Variants in ADK observed in about 807,000 individuals in gnomAD.
The protein encoded by ADK is N6,N6-dimethyladenosine kinase.
Under a neutral mutation model 44.7 loss-of-function variants are expected in ADK, and 24 were observed. The ratio of observed to expected loss-of-function variants is 0.54; its 90% CI spans 0.39 to 0.76. The LOEUF (loss-of-function observed/expected upper bound fraction) is 0.76, where lower values mean the gene tolerates loss of function less well. ADK is among the 30% of genes least tolerant of loss of function. The probability of loss-of-function intolerance (pLI) is 0.00; values close to 1 mark genes in which losing one functional copy is unlikely to be tolerated. For synonymous variants in ADK, 128 were observed against 142.6 expected, an observed-to-expected ratio of 0.90 and a Z score of 0.73; for missense variants, 321 against 425.1, an observed-to-expected ratio of 0.76 and a Z score of 2.15.
intron 10 of ADK, among the ~76,000 whole-genome samples, chr10:74,687,503 G>A (rs1354204570): frequency 6.6e-6 from 1 of 152,218 alleles, no homozygotes; most frequent in Admixed American, 6.5e-5. Context: ...GAATTTACGT[G>A]CACAAAACAT....
intron 9 of ADK, among the ~76,000 whole-genome samples, chr10:74,632,200 C>G (rs1222964413): frequency 1.3e-5 from 2 of 152,150 alleles, no homozygotes; most frequent in Admixed American, 6.6e-5. Context: ...TAAATGGACT[C>G]TTACAATATG....
chr10:74,386,958 A>G (rs865792801), intron 4 of ADK, among the ~76,000 whole-genome samples: 24 of 148,406 alleles, frequency 1.6e-4, no homozygotes, highest in Non-Finnish European at 3.0e-4. Context: ...TTTTTTTGAG[A>G]TGGAGACTTG....
intron 6 of ADK, among the ~76,000 whole-genome samples, chr10:74,516,039 C>T (rs1222336581): frequency 6.6e-6 from 1 of 152,150 alleles, no homozygotes; most frequent in Non-Finnish European, 1.5e-5. Context: ...CGCCATGTTA[C>T]AGCAGTTTGG....
chr10:74,375,580 C>A (rs1842790876), intron 4 of ADK, among the ~76,000 whole-genome samples: 1 of 152,126 alleles, frequency 6.6e-6, no homozygotes, highest in African/African-American at 2.4e-5. Flanking sequence ...TTACACTTGG[C>A]TGATAGGCAG....
intron 9 of ADK, among the ~76,000 whole-genome samples, chr10:74,665,985 G>A (rs974942151): frequency 1.3e-5 from 2 of 152,158 alleles, no homozygotes; most frequent in Non-Finnish European, 2.9e-5. Flanking sequence ...GATATCGTGA[G>A]GTTGTGTGTA....
intron 3 of ADK, among the ~76,000 whole-genome samples, chr10:74,228,782 A>C (rs1007854015): frequency 1.3e-5 from 2 of 152,206 alleles, no homozygotes; most frequent in Non-Finnish European, 2.9e-5. Context: ...AGATTTAGGT[A>C]AGGAAAGTTA....
At chr10:74,419,824 A>G (rs1844497087) in intron 6 of ADK, among the ~76,000 whole-genome samples, 1 of 152,212 alleles carries the variant, frequency 6.6e-6, no homozygotes, top group African/African-American at 2.4e-5. Context: ...TAACCCCAGC[A>G]TGTAATTTAC....
chr10:74,302,442 C>G (rs1190488204), intron 3 of ADK, among the ~76,000 whole-genome samples: 7 of 151,586 alleles, frequency 4.6e-5, no homozygotes, highest in African/African-American at 1.7e-4. Flanking sequence ...TTCAAATGGA[C>G]TGTTGATGGT....
intron 1 of ADK, among the ~76,000 whole-genome samples, chr10:74,165,476 T>A (rs964543824): frequency 1.8e-4 from 28 of 151,898 alleles, no homozygotes; most frequent in South Asian, 1.7e-3. Flanking sequence ...CTTTTTTTTT[T>A]AATTAAATTT....
At chr10:74,678,143 CA>C (rs35650817) in intron 10 of ADK, among the ~76,000 whole-genome samples, 2,576 of 59,194 alleles carry the variant, frequency 0.044, 30 homozygotes, top group African/African-American at 0.094. Flanking sequence ...CCTGTCTCTA[CA>C]AAAAAAAAAA....
intron 1 of ADK, among the ~76,000 whole-genome samples, chr10:74,181,877 T>G (rs1240001083): frequency 6.6e-6 from 1 of 152,220 alleles, no homozygotes; most frequent in Non-Finnish European, 1.5e-5. Flanking sequence ...ATATTTGTTG[T>G]AGAGCTAATG....
intron 6 of ADK, among the ~76,000 whole-genome samples, chr10:74,485,681 T>C (rs1427952738): frequency 1.3e-5 from 2 of 152,126 alleles, no homozygotes; most frequent in Non-Finnish European, 2.9e-5. Flanking sequence ...ATGTTATTGC[T>C]TTTAGACACT....
At chr10:74,536,766 T>C (rs1849463737) in intron 7 of ADK, among the ~76,000 whole-genome samples, 1 of 152,212 alleles carries the variant, frequency 6.6e-6, no homozygotes, top group South Asian at 2.1e-4. Context: ...ACAAAAGTTG[T>C]CTGACTTAAT....
chr10:74,465,948 T>C (rs761589643), intron 6 of ADK, among the ~76,000 whole-genome samples: 4 of 152,212 alleles, frequency 2.6e-5, no homozygotes, highest in Non-Finnish European at 2.9e-5. Context: ...GGATTTTTAA[T>C]TGATTTTATT....
At position 74,231,796 on chromosome 10, in the gene ADK, T is replaced by A. The variant is rs184188070; in HGVS notation, c.194+7205T>A. 2.0e-5 allele frequency among the ~76,000 whole-genome samples: 3 copies of A among 152,296 alleles called. No homozygotes were observed. The East Asian group carries it at 5.8e-4, about 29-fold the overall frequency. ...AAGTTTTTTTTAAAGTTTATTTTTG[T>A]ATGTAGTCATAATACTTGTAAGGTA... On this transcript the variant is annotated intron_variant, in intron 3 of 10. Coordinates refer to ENST00000539909, the MANE Select transcript of ADK (RefSeq NM_006721.4).
rs554289985 is a variant in ADK, at chr10:74,284,412, G to C, written c.195-30255G>C. Among the ~76,000 whole-genome samples the C allele has an allele frequency of 3.0e-4, 45 of 152,174 alleles. No homozygotes were observed. The South Asian group carries it at 8.7e-3, about 30-fold the overall frequency. On this transcript the variant is annotated intron_variant, in intron 3 of 10. Coordinates refer to ENST00000539909, the MANE Select transcript of ADK (RefSeq NM_006721.4). Reference sequence around the variant, plus strand: ...CCCAAGTAGCTGGGATTACAGACGTGTGTCACCATGCCCGGCTAATTTTGT... The same window carrying C: ...CCCAAGTAGCTGGGATTACAGACGTCTGTCACCATGCCCGGCTAATTTTGT...
intron 4 of ADK, among the ~76,000 whole-genome samples, chr10:74,315,221 C>A (rs1350070993): frequency 6.6e-6 from 1 of 151,998 alleles, no homozygotes; most frequent in Non-Finnish European, 1.5e-5. Flanking sequence ...AAGGACGTTT[C>A]TGCCACAAGA....
intron 6 of ADK, among the ~76,000 whole-genome samples, chr10:74,524,650 C>T (rs923806577): frequency 4.6e-5 from 7 of 152,184 alleles, no homozygotes; most frequent in African/African-American, 1.7e-4. Flanking sequence ...ACCTTGGCCT[C>T]CCAAAGTGCT....
intron 7 of ADK, among the ~76,000 whole-genome samples, chr10:74,566,370 CTA>C (rs1850669898): frequency 6.6e-6 from 1 of 151,922 alleles, no homozygotes; most frequent in Admixed American, 6.6e-5. Flanking sequence ...CCACACCCGG[CTA>C]TGTTTTTGAT....
Sources: allele counts gnomAD v4.1 joint callset (sites outside exome capture counted in the v4.1 genomes callset), GRCh38; gene constraint gnomAD v4.1.1; transcripts MANE v1.5; gene names NCBI Gene and HGNC (gene_info 2026-07-23, HGNC 2026-07-21).